The following GSR variants were observed in gnomAD, a reference collection of about 807,000 sequenced individuals.
GSR encodes the protein glutathione reductase, mitochondrial.
GSR carries 48 observed loss-of-function variants against 56.5 expected under a neutral mutation model. That is an observed-to-expected ratio of 0.85 (90% CI 0.67 to 1.08). The LOEUF is 1.08. GSR is among the 50% of genes least tolerant of loss of function. The pLI is 0.00. For synonymous variants in GSR, 264 were observed against 270.8 expected, an observed-to-expected ratio of 0.97 and a Z score of 0.25; for missense variants, 694 against 703.3, an observed-to-expected ratio of 0.99 and a Z score of 0.15.
chr8:30,720,649 G>A (rs1185068408), intron 1 of GSR, among the ~76,000 whole-genome samples: 1 of 138,442 alleles, frequency 7.2e-6, no homozygotes, highest in Admixed American at 8.2e-5. Flanking sequence ...AGTTCAGGGA[G>A]GCATCAAACT....
chr8:30,687,057 G>A (rs1437181405), intron 9 of GSR, among the ~76,000 whole-genome samples: 3 of 151,378 alleles, frequency 2.0e-5, no homozygotes, highest in Non-Finnish European at 2.9e-5. Flanking sequence ...GGCTGGTCTC[G>A]AACTCCTGAC....
In GSR at chr8:30,678,589, T is replaced by C. The variant is rs1314297202; in HGVS notation, c.*931A>G. 1 of 151,858 alleles carries C rather than the reference T, an allele frequency of 6.6e-6. No individual in the cohort carries two copies. Among genetic ancestry groups the C allele is most frequent in the Non-Finnish European group, 1.5e-5 (1 of 67,980 alleles). The allele number at this position is 151,858 out of a possible 1,614,324, so 9.4% of individuals were successfully genotyped here. A position where few individuals can be genotyped will look rare whatever the true frequency, so the allele number is the denominator to read the frequency against. ...GCTGTGCATGCTGGCCTCAAACTTG[T>C]AGGCTCAAGTAATCCTCCTGCCTCG... On this transcript the variant is annotated 3_prime_UTR_variant, in exon 13 of 13. Coordinates refer to ENST00000221130, the MANE Select transcript of GSR (RefSeq NM_000637.5).
Position 30,689,186 on chromosome 8 carries a change from G to T in GSR, c.1016C>A (p.Thr339Asn). 1.2e-6 allele frequency: 2 copies of T among 1,614,048 alleles called. No homozygotes were observed. The highest frequency in any genetic ancestry group is 1.7e-6 in the Non-Finnish European group (2 of 1,179,964). ...CAGTTTGTTTAAACTCAGGTCCTTG[G>T]TATTCGGGACCCGCCCAATGGCCCA... ...LLWAIGRVPN[T>N]KDLSLNKLGI... is the part of the protein sequence containing the mutation. Residue 339 changes from threonine to asparagine, a missense_variant, in exon 9 of 13, where the codon ACC becomes AAC. By Grantham distance (65) the Thr-to-Asn change is moderately conservative (BLOSUM62 0). Transcript: ENST00000221130.
intron 3 of GSR, among the ~76,000 whole-genome samples, chr8:30,709,482 C>A (rs1804032375): frequency 6.6e-6 from 1 of 152,116 alleles, no homozygotes; most frequent in Admixed American, 6.6e-5. Flanking sequence ...TATATGAGTT[C>A]CCTAGAATTG....
rs111421067 is a variant in GSR at position 30,688,600 on chromosome 8, G to A, written c.1041+561C>T. ...TCTCAAAAAAAAAAAAAAAAAAAAG[G>A]AAAGAAAACAAAAAAGAAAAAGGCC... On this transcript the variant is annotated intron_variant, in intron 9 of 12. Coordinates refer to ENST00000221130, the MANE Select transcript of GSR (RefSeq NM_000637.5). 4.3e-3 allele frequency among the ~76,000 whole-genome samples: 471 copies of A among 108,866 alleles called. 3 individuals carry two copies. The highest frequency in any genetic ancestry group is 0.015 in the African/African-American group (444 of 30,098). 71.4% of individuals were successfully genotyped at this position (108,866 alleles called of 152,430 possible).
chr8:30,684,325 G>A, intron 9 of GSR, 126 bp from the exon 10 acceptor site: 1 of 749,932 alleles, frequency 1.3e-6, no homozygotes, highest in Non-Finnish European at 2.5e-6. Context: ...GAAACCATGA[G>A]ACTCAGCTGC....
intron 1 of GSR, among the ~76,000 whole-genome samples, chr8:30,721,480 G>A (rs150294513): frequency 6.6e-6 from 1 of 152,026 alleles, no homozygotes; most frequent in Admixed American, 6.6e-5. Flanking sequence ...GCAAAACTCA[G>A]TCTCTACTAA....
chr8:30,714,509 T>TA (rs1448780350), intron 1 of GSR, among the ~76,000 whole-genome samples: 4 of 149,874 alleles, frequency 2.7e-5, no homozygotes, highest in East Asian at 2.0e-4. Context: ...ATATACTTTT[T>TA]AAAAAAAAAT....
intron 4 of GSR, among the ~76,000 whole-genome samples, chr8:30,703,996 A>G (rs1030372279): frequency 6.6e-6 from 1 of 152,174 alleles, no homozygotes; most frequent in Non-Finnish European, 1.5e-5. Flanking sequence ...ATTGAGGGCG[A>G]AAGTTCCTTA....
intron 1 of GSR, among the ~76,000 whole-genome samples, chr8:30,715,042 G>A (rs1001987174): frequency 1.8e-4 from 27 of 151,990 alleles, no homozygotes; most frequent in Non-Finnish European, 3.7e-4. Flanking sequence ...TTGGGAGGCC[G>A]AAAAGAAAGA....
At chr8:30,692,196 C>CTTTTTTTTTTTTTT (rs71206279) in intron 8 of GSR, among the ~76,000 whole-genome samples, 6 of 76,436 alleles carry the variant, frequency 7.8e-5, no homozygotes, top group African/African-American at 1.5e-4. Flanking sequence ...TAAAATACAG[C>CTTTTTTTTTTTTTT]TTTTTTTTTT....
chr8:30,705,837 TA>T (rs1803900699), intron 4 of GSR, among the ~76,000 whole-genome samples: 1 of 152,238 alleles, frequency 6.6e-6, no homozygotes, highest in Non-Finnish European at 1.5e-5. Context: ...TGCAGGCCTT[TA>T]AATATTTTTC....
At position 30,679,652 on chromosome 8, in the gene GSR, C is replaced by A. The variant is rs765528479; in HGVS notation, c.1437G>T (p.Met479Ile). Residue 479 changes from methionine (M) to isoleucine (I), a missense_variant, in exon 13 of 13, where the codon ATG becomes ATT. By Grantham distance (10) the Met-to-Ile change is conservative. Transcript: ENST00000221130. Reference sequence around the variant, plus strand: ...GCATTTCATCACACCCAAGTCCCTGCATATGGATCCCAACCACCTGGGAAA... The same window carrying A: ...GCATTTCATCACACCCAAGTCCCTGAATATGGATCCCAACCACCTGGGAAA... ...NKEEKVVGIH[M>I]QGLGCDEMLQ... 2 of 1,613,692 alleles carry A rather than the reference C, an allele frequency of 1.2e-6. No individual in the cohort carries two copies. The highest frequency in any genetic ancestry group is 8.5e-7 in the Non-Finnish European group (1 of 1,179,760).
chr8:30,723,775 G>C (rs1185629072), intron 1 of GSR, among the ~76,000 whole-genome samples: 1 of 102,182 alleles, frequency 9.8e-6, no homozygotes, highest in Non-Finnish European at 2.0e-5. Flanking sequence ...CTGGGTGACA[G>C]AGCAACAAAC....
chr8:30,706,952 T>A (rs540149524), intron 4 of GSR: 1 of 152,130 alleles, frequency 6.6e-6, no homozygotes, highest in African/African-American at 2.4e-5. Flanking sequence ...CTGGCCAACA[T>A]GGTGAAATCC....
intron 1 of GSR, among the ~76,000 whole-genome samples, chr8:30,722,731 C>CAAAAAAAAAA (rs200083922): frequency 8.9e-6 from 1 of 112,728 alleles, no homozygotes; most frequent in African/African-American, 4.2e-5. Context: ...GACCCTGTCT[C>CAAAAAAAAAA]AAAAAAAAAA....
chr8:30,683,570 G>C (rs1586033259), intron 10 of GSR, among the ~76,000 whole-genome samples: 1 of 152,142 alleles, frequency 6.6e-6, no homozygotes, highest in Admixed American at 6.6e-5. Flanking sequence ...GCTGAGGCAG[G>C]CAGTCTGCTT....
chr8:30,712,376 T>C (rs1804181806), intron 1 of GSR, among the ~76,000 whole-genome samples: 1 of 152,190 alleles, frequency 6.6e-6, no homozygotes, highest in African/African-American at 2.4e-5. Context: ...TACTGCAGAA[T>C]ACATGGATAA....
intron 1 of GSR, 59 bp downstream of exon 1, chr8:30,727,471 T>C: frequency 1.4e-6 from 2 of 1,442,382 alleles, no homozygotes; most frequent in Non-Finnish European, 1.9e-6. Flanking sequence ...GCACAGGCTG[T>C]CCCCCGAAAG....
Sources: gnomAD v4.1 joint callset for allele counts (sites outside exome capture counted in the v4.1 genomes callset) on GRCh38, gnomAD v4.1.1 for gene constraint, MANE v1.5 for transcripts, NCBI Gene and HGNC (gene_info 2026-07-23, HGNC 2026-07-21) for gene names.